Variants in WASF3 observed in about 807,000 individuals in gnomAD.
The protein encoded by WASF3 is actin-binding protein WASF3.
In WASF3, 11 loss-of-function variants were observed where a neutral mutation model predicts 46.6. The ratio of observed to expected loss-of-function variants is 0.24; its 90% confidence interval spans 0.15 to 0.39. The LOEUF (loss-of-function observed/expected upper bound fraction) is 0.39, where lower values mean the gene tolerates loss of function less well. Ranked by LOEUF, WASF3 falls within the 10% of genes least tolerant of loss-of-function variation. WASF3 has a pLI of 1.00. For missense variants in WASF3, 576 were observed against 669.8 expected, an observed-to-expected ratio of 0.86 and a Z score of 1.55; for synonymous variants, 242 against 259.7, an observed-to-expected ratio of 0.93 and a Z score of 0.65.
At chr13:26,559,658 C>G (rs147684418) in intron 1 of WASF3, among the ~76,000 whole-genome samples, 1 of 152,080 alleles carries the variant, frequency 6.6e-6, no homozygotes, top group African/African-American at 2.4e-5. Context: ...AATGAATTGT[C>G]CCTACTCACG....
At chr13:26,640,743 G>C (rs1881971751) in intron 2 of WASF3, 1 of 152,284 alleles carries the variant, frequency 6.6e-6, no homozygotes, top group Admixed American at 6.5e-5. Context: ...TGAAAGGGAT[G>C]CCTAGGATGT....
rs1395103288 is a variant in WASF3 at position 26,686,298 on chromosome 13, T to G, written c.*453T>G. 6.5e-6 allele frequency: 1 copy of G among 154,426 alleles called. No homozygotes were observed. Among genetic ancestry groups the G allele is most frequent in the Non-Finnish European group, 1.4e-5 (1 of 69,442 alleles). 9.6% of individuals were successfully genotyped at this position (154,426 alleles called of 1,614,324 possible). On this transcript the variant is annotated 3_prime_UTR_variant, in exon 10 of 10. Coordinates refer to ENST00000335327, the MANE Select transcript of WASF3 (RefSeq NM_006646.6). ...GCTTTGGTTTTTCCTTTTGTTTTTT[T>G]AAAGGATGTGTTTCTGAATAAGTTG...
intron 1 of WASF3, among the ~76,000 whole-genome samples, chr13:26,590,476 G>C (rs1341984832): frequency 1.3e-5 from 2 of 152,084 alleles, no homozygotes; most frequent in Admixed American, 1.3e-4. Flanking sequence ...TACTCCTACA[G>C]ATGTCACCTT....
At chr13:26,634,583 G>A (rs4378493) in intron 2 of WASF3, among the ~76,000 whole-genome samples, 8,045 of 152,204 alleles carry the variant, frequency 0.053, 740 homozygotes, top group African/African-American at 0.18. Context: ...TCATAGCATC[G>A]ATGGTCTTTA....
intron 2 of WASF3, among the ~76,000 whole-genome samples, chr13:26,628,663 G>GTCATTTTCTATTTCTA: frequency 6.6e-6 from 1 of 152,116 alleles, no homozygotes; most frequent in Non-Finnish European, 1.5e-5. Flanking sequence ...CTATTCCATG[G>GTCATTTTCTATTTCTA]TAACATGAGT....
At chr13:26,567,607 A>C (rs367586988) in intron 1 of WASF3, among the ~76,000 whole-genome samples, 2 of 152,172 alleles carry the variant, frequency 1.3e-5, no homozygotes, top group South Asian at 2.1e-4. Flanking sequence ...CTTTACAGTA[A>C]AAATTCCTGA....
chr13:26,682,776 C>G lies in WASF3; in HGVS notation c.1153C>G (p.Pro385Ala), dbSNP rs201909672. The G allele has an allele frequency of 2.5e-4, 403 of 1,612,266 alleles. 3 individuals carry two copies. In the South Asian group the frequency reaches 2.7e-3, roughly 11 times the overall value. The change falls in exon 9 of 10, where the codon CCA becomes GCA. Residue 385 changes from proline to alanine, a missense_variant. Physicochemically the swap from Pro to Ala is conservative, Grantham distance 27. Around this residue, in one of 3 missense-constraint regions of WASF3, gnomAD observed 295 missense variants for 291.5 expected, o/e 1.01. Transcript: ENST00000335327. This position sits in a 1 kb window ranked among gnomAD's most constrained non-coding sequence, Gnocchi z 4.4. ...ASSTHAAPPH[P>A]PSTGLLVTAP... ...CTCCACGCACGCAGCTCCTCCTCAC[C>G]CACCCTCCACCGGGCTCCTGGTCAC...
intron 3 of WASF3, among the ~76,000 whole-genome samples, chr13:26,643,077 T>C (rs1882047602): frequency 6.6e-6 from 1 of 152,226 alleles, no homozygotes; most frequent in Admixed American, 6.5e-5. Context: ...ATATTAAATA[T>C]CTGAAGAATA....
chr13:26,654,844 A>G (rs923331306), intron 3 of WASF3, among the ~76,000 whole-genome samples: 1 of 152,170 alleles, frequency 6.6e-6, no homozygotes, highest in Non-Finnish European at 1.5e-5. Flanking sequence ...ATTTCTTACA[A>G]TAAGCATGTG....
the WASF3 span, among the ~76,000 whole-genome samples, chr13:26,547,450 G>A: frequency 2.0e-5 from 3 of 151,180 alleles, no homozygotes; most frequent in African/African-American, 7.3e-5. Context: ...TCCTTTTCCT[G>A]GGGCTATCTA....
Position 26,673,868 on chromosome 13 carries a change from G to A in WASF3, c.540+1879G>A, listed in dbSNP as rs73168100. 8.9e-3 allele frequency among the ~76,000 whole-genome samples: 1,358 copies of A among 152,278 alleles called. 12 individuals carry two copies. The highest frequency in any genetic ancestry group is 0.016 in the Non-Finnish European group (1,059 of 68,026). On this transcript the variant is annotated intron_variant, in intron 6 of 9. Transcript: ENST00000335327. ...TGTGTGACAGTGTACACACAGTGAG[G>A]GGTCAAGGAAGACCTCTCTAAGGAG...
chr13:26,633,196 A>ATTTTTTTT (rs1881705978), intron 2 of WASF3, among the ~76,000 whole-genome samples: 5 of 22,160 alleles, frequency 2.3e-4, no homozygotes, highest in Admixed American at 1.0e-3. Context: ...GATCTTAGTT[A>ATTTTTTTT]TTTCTTTTTT....
intron 1 of WASF3, among the ~76,000 whole-genome samples, chr13:26,580,787 G>A (rs549982165): frequency 2.0e-5 from 3 of 151,462 alleles, no homozygotes; most frequent in South Asian, 4.2e-4. Context: ...CACCACACCC[G>A]GCTAATTTTA....
intron 1 of WASF3, among the ~76,000 whole-genome samples, chr13:26,610,393 T>C (rs539095672): frequency 6.6e-6 from 1 of 152,328 alleles, no homozygotes; most frequent in East Asian, 1.9e-4. Flanking sequence ...CATGGTTGTT[T>C]ACAGACTTTT....
At chr13:26,672,648 T>C (rs955557377) in intron 6 of WASF3, among the ~76,000 whole-genome samples, 1 of 152,226 alleles carries the variant, frequency 6.6e-6, no homozygotes. Flanking sequence ...AATAATTCTC[T>C]AAGGGCAAGT....
At chr13:26,628,899 T>G (rs889144071) in intron 2 of WASF3, among the ~76,000 whole-genome samples, 1 of 152,210 alleles carries the variant, frequency 6.6e-6, no homozygotes, top group African/African-American at 2.4e-5. Context: ...GGGATCCCAC[T>G]GCCATCTAGA....
chr13:26,553,360 G>C (rs1185005952), upstream of WASF3, among the ~76,000 whole-genome samples: 1 of 152,050 alleles, frequency 6.6e-6, no homozygotes, highest in Non-Finnish European at 1.5e-5. Flanking sequence ...GGAGTCTGGA[G>C]GAGTTACAGG....
At chr13:26,646,625 G>A (rs1356508604) in intron 3 of WASF3, among the ~76,000 whole-genome samples, 1 of 152,114 alleles carries the variant, frequency 6.6e-6, no homozygotes, top group Non-Finnish European at 1.5e-5. Context: ...TCTGCTTCCT[G>A]TAAGTGATAC....
rs958819816 is a variant in WASF3, at chr13:26,582,956, G to A, written c.-109+25137G>A. Among the ~76,000 whole-genome samples the A allele has an allele frequency of 1.4e-4, 21 of 152,102 alleles. 1 individual carries two copies. The highest frequency in any genetic ancestry group is 1.5e-5 in the Non-Finnish European group (1 of 68,030). ...TATATTCTAATAGGATAGATACCTT[G>A]AGAGAATAATTAGTCAATAAGAAAG... On this transcript the variant is annotated intron_variant, in intron 1 of 9. Transcript: ENST00000335327.
Sources: allele counts gnomAD v4.1 joint callset (sites outside exome capture counted in the v4.1 genomes callset), GRCh38; gene constraint gnomAD v4.1.1; regional missense constraint gnomAD v4.1.1; non-coding constraint Gnocchi (gnomAD v3.1); transcripts MANE v1.5; gene names NCBI Gene and HGNC (gene_info 2026-07-23, HGNC 2026-07-21).